The following RBM17 variants were observed in gnomAD, a reference collection of about 807,000 sequenced individuals.
RBM17 encodes RNA binding motif protein 17, also known as splicing factor 45.
In RBM17, 7 loss-of-function variants were observed where a neutral mutation model predicts 53.2. That is an observed-to-expected ratio of 0.13 (90% confidence interval 0.07 to 0.25). The LOEUF (loss-of-function observed/expected upper bound fraction) is 0.25. Among genes scored for constraint, RBM17 ranks in the 10% least tolerant of loss-of-function variants. RBM17 has a pLI of 1.00. For missense variants in RBM17, 257 were observed against 496.7 expected, an observed-to-expected ratio of 0.52 and a Z score of 4.59; for synonymous variants, 167 against 178.1, an observed-to-expected ratio of 0.94 and a Z score of 0.50.
At chr10:6,093,780 G>T (rs555344879) in intron 1 of RBM17, among the ~76,000 whole-genome samples, 1 of 152,144 alleles carries the variant, frequency 6.6e-6, no homozygotes, top group Non-Finnish European at 1.5e-5. Flanking sequence ...TAGAATGCCT[G>T]CATATACATA....
chr10:6,105,158 G>T lies in RBM17; in HGVS notation c.407+61G>T, dbSNP rs1284364337. On this transcript the variant is annotated intron_variant, in intron 4 of 11. Transcript: ENST00000379888. ...TTGAAATGTTCATTAAAATGTTAAC[G>T]AATGAGCGTCGCTGCTGTCTGTAAG... is the stretch of plus-strand genomic sequence containing the variant. 5 of 1,498,908 alleles carry T rather than the reference G, an allele frequency of 3.3e-6. No homozygotes were observed. In the Admixed American group the frequency reaches 7.1e-5, roughly 21 times the overall value. The allele number at this position is 1,498,908 out of a possible 1,614,324, so 92.9% of individuals were successfully genotyped here.
chr10:6,106,683 T>C (rs1253169413), intron 5 of RBM17, among the ~76,000 whole-genome samples: 2 of 152,226 alleles, frequency 1.3e-5, no homozygotes, highest in Non-Finnish European at 2.9e-5. Context: ...GAATTCAGTA[T>C]ATAGGTTGAA....
At chr10:6,093,462 G>C (rs901219826) in intron 1 of RBM17, among the ~76,000 whole-genome samples, 1 of 152,026 alleles carries the variant, frequency 6.6e-6, no homozygotes, top group African/African-American at 2.4e-5. Context: ...CAAGTGATCC[G>C]CCCGCCTCGG....
At chr10:6,107,508 C>CTT (rs1491211548) in intron 5 of RBM17, among the ~76,000 whole-genome samples, 2 of 28,402 alleles carry the variant, frequency 7.0e-5, no homozygotes, top group African/African-American at 2.0e-4. Context: ...TTTGGAGACA[C>CTT]TCTTGCTCTG....
Position 6,094,658 on chromosome 10 carries a change from T to C in RBM17, c.-18-2390T>C, listed in dbSNP as rs140788003. ...ACAGTGCTAAGCTGGACACTCAGCA[T>C]GGTTTTTCTGTGCTGTTGCTCTGTT... On this transcript the variant is annotated intron_variant, in intron 1 of 11. Coordinates refer to ENST00000379888, the MANE Select transcript of RBM17 (RefSeq NM_032905.5). 6.1e-3 allele frequency among the ~76,000 whole-genome samples: 933 copies of C among 152,358 alleles called. 12 individuals are homozygous for C. The highest frequency in any genetic ancestry group is 0.021 in the African/African-American group (883 of 41,580).
chr10:6,092,928 T>A (rs1840509609), intron 1 of RBM17, among the ~76,000 whole-genome samples: 1 of 152,194 alleles, frequency 6.6e-6, no homozygotes, highest in South Asian at 2.1e-4. Flanking sequence ...ATGCAGCAAA[T>A]CAACTGGAAT....
intron 1 of RBM17, among the ~76,000 whole-genome samples, chr10:6,091,037 A>ATTTTTATATT (rs1840476576): frequency 6.9e-6 from 1 of 143,920 alleles, no homozygotes; most frequent in Admixed American, 7.0e-5. Flanking sequence ...ATATTTATAT[A>ATTTTTATATT]TTTTTATATA....
chr10:6,091,013 T>TTACATATTTA (rs1554834353), intron 1 of RBM17, among the ~76,000 whole-genome samples: 4 of 113,882 alleles, frequency 3.5e-5, no homozygotes, highest in South Asian at 3.2e-4. Context: ...ATATAAATAT[T>TTACATATTTA]TATATATTTA....
chr10:6,095,341 T>C (rs183390485), intron 1 of RBM17, among the ~76,000 whole-genome samples: 1 of 151,922 alleles, frequency 6.6e-6, no homozygotes, highest in East Asian at 1.9e-4. Flanking sequence ...CCCTCCGGAG[T>C]AGCTGGGATT....
intron 1 of RBM17, among the ~76,000 whole-genome samples, chr10:6,095,548 C>T (rs377510732): frequency 3.9e-5 from 6 of 152,284 alleles, no homozygotes; most frequent in East Asian, 3.9e-4. Context: ...TTTGAGCAGT[C>T]GGCCATCAAT....
rs983428310 is a variant in RBM17, at chr10:6,115,481, T to C, written c.1131T>C (p.Phe377=). ...KAVVDLNGRY[F]GGRVVKACFY... Reference sequence around the variant, plus strand: ...TTGTTGACTTGAATGGGAGGTATTTTGGTGGACGGGTGGTAAAAGCATGTT... The same window carrying C: ...TTGTTGACTTGAATGGGAGGTATTTCGGTGGACGGGTGGTAAAAGCATGTT... Residue 377 remains phenylalanine, a synonymous_variant, in exon 12 of 12, where the codon TTT becomes TTC. Coordinates refer to ENST00000379888, the MANE Select transcript of RBM17 (RefSeq NM_032905.5). 40 of 1,613,856 alleles carry C rather than the reference T, an allele frequency of 2.5e-5. No individual in the cohort carries two copies. Among genetic ancestry groups the C allele is most frequent in the Non-Finnish European group, 3.3e-5 (39 of 1,179,834 alleles).
chr10:6,100,958 A>G (rs917925198), intron 2 of RBM17, among the ~76,000 whole-genome samples: 2 of 152,202 alleles, frequency 1.3e-5, no homozygotes. Flanking sequence ...TTGTAGATTC[A>G]TAATAAAGGA....
At chr10:6,114,599 T>A (rs1173813019) in intron 10 of RBM17, 1 of 160,506 alleles carries the variant, frequency 6.2e-6, no homozygotes, top group Non-Finnish European at 1.4e-5. Flanking sequence ...GACTAGGTAG[T>A]ATTGACTAAG....
intron 1 of RBM17, among the ~76,000 whole-genome samples, chr10:6,090,838 G>C (rs10905742): frequency 2.0e-5 from 3 of 151,472 alleles, no homozygotes; most frequent in African/African-American, 7.3e-5. Context: ...TGACAAGGGC[G>C]TCAGATGGAG....
chr10:6,104,035 T>G (rs977467813), intron 3 of RBM17, among the ~76,000 whole-genome samples: 10 of 152,228 alleles, frequency 6.6e-5, no homozygotes, highest in African/African-American at 2.4e-5. Context: ...AGAGAAGGCA[T>G]CTTATTGTTA....
At chr10:6,113,140 AGTAACT>A in intron 8 of RBM17, 1 of 193,542 alleles carries the variant, frequency 5.2e-6, no homozygotes, top group Non-Finnish European at 1.1e-5. Flanking sequence ...TGGCTGGATT[AGTAACT>A]GCATATTCCC....
chr10:6,091,019 A>ATTTATATATT (rs1370688741), intron 1 of RBM17, among the ~76,000 whole-genome samples: 65 of 122,702 alleles, frequency 5.3e-4, no homozygotes, highest in African/African-American at 1.9e-3. Flanking sequence ...ATATTTATAT[A>ATTTATATATT]TTTATATATA....
chr10:6,101,395 C>G lies in RBM17; in HGVS notation c.240+8C>G, dbSNP rs762690261. The stretch of plus-strand genomic sequence containing the variant: ...GTAGCAGCTGGGCTGAAGGTAAGCC[C>G]GCGCCTGCCTGTGAGCTTGATACGT... On this transcript the variant is annotated splice_region_variant and intron_variant, in intron 3 of 11. Coordinates refer to ENST00000379888, the MANE Select transcript of RBM17 (RefSeq NM_032905.5). 4 of 1,575,992 alleles carry G rather than the reference C, an allele frequency of 2.5e-6. 1 individual carries two copies. Among genetic ancestry groups the G allele is most frequent in the South Asian group, 2.2e-5 (2 of 89,600 alleles).
chr10:6,106,207 T>G lies in RBM17; in HGVS notation c.474T>G (p.Asp158Glu). 6.2e-7 allele frequency: 1 copy of G among 1,613,458 alleles called. No individual in the cohort carries two copies. ...ARRPDPDSDE[D>E]EDYERERRKR... ...GACCAGATCCAGATTCTGATGAAGA[T>G]GAAGATTATGAGCGAGAGAGGAGGA... The change falls in exon 5 of 12, where the codon GAT becomes GAG. Residue 158 changes from aspartate (D) to glutamate (E), a missense_variant. This residue lies in a region of RBM17 where 127 missense variants were observed against 217.2 expected (regional missense o/e 0.58). Coordinates refer to ENST00000379888, the MANE Select transcript of RBM17 (RefSeq NM_032905.5).
Sources: allele counts gnomAD v4.1 joint callset (sites outside exome capture counted in the v4.1 genomes callset), GRCh38; gene constraint gnomAD v4.1.1; regional missense constraint gnomAD v4.1.1; transcripts MANE v1.5; gene names NCBI Gene and HGNC (gene_info 2026-07-23, HGNC 2026-07-21).